Variants in PLPPR1 observed in about 807,000 individuals in gnomAD.
The protein encoded by PLPPR1 is phospholipid phosphatase related 1, also known as phospholipid phosphatase-related protein type 1.
PLPPR1 carries 10 observed loss-of-function variants against 33.1 expected under a neutral mutation model. That is an observed-to-expected ratio of 0.30 (90% CI 0.19 to 0.51). The LOEUF (loss-of-function observed/expected upper bound fraction) is 0.51, where lower values mean the gene tolerates loss of function less well. Among genes scored for constraint, PLPPR1 ranks in the 20% least tolerant of loss-of-function variants. The pLI is 0.97. For missense variants in PLPPR1, 304 were observed against 408.1 expected, an observed-to-expected ratio of 0.74 and a Z score of 2.20; for synonymous variants, 151 against 151.0, an observed-to-expected ratio of 1.00 and a Z score of 0.00.
chr9:101,165,206 A>C (rs1283532945), intron 1 of PLPPR1, among the ~76,000 whole-genome samples: 1 of 152,212 alleles, frequency 6.6e-6, no homozygotes, highest in East Asian at 1.9e-4. Flanking sequence ...TGAGTGCACA[A>C]AAAGCAAATC....
At chr9:101,088,445 G>A (rs970683996) in intron 1 of PLPPR1, among the ~76,000 whole-genome samples, 9 of 151,908 alleles carry the variant, frequency 5.9e-5, no homozygotes, top group African/African-American at 1.9e-4. Context: ...CTTATGAAAC[G>A]ACTGTCTCCT....
intron 1 of PLPPR1, among the ~76,000 whole-genome samples, chr9:101,087,793 T>G (rs1025978555): frequency 9.8e-5 from 15 of 152,332 alleles, no homozygotes; most frequent in African/African-American, 3.6e-4. Context: ...TCGTAATCTT[T>G]TCTAGAAGTG....
chr9:101,089,546 C>T (rs1204272617), intron 1 of PLPPR1, among the ~76,000 whole-genome samples: 3 of 151,996 alleles, frequency 2.0e-5, no homozygotes, highest in Non-Finnish European at 4.4e-5. Context: ...GGAATAATAT[C>T]GGACCAAATG....
chr9:101,086,426 CT>C (rs1830676781), intron 1 of PLPPR1, among the ~76,000 whole-genome samples: 1 of 152,056 alleles, frequency 6.6e-6, no homozygotes, highest in South Asian at 2.1e-4. Context: ...ATGATTGGAC[CT>C]TTTTGCCCAT....
At chr9:101,087,257 A>G (rs967075350) in intron 1 of PLPPR1, among the ~76,000 whole-genome samples, 1 of 152,154 alleles carries the variant, frequency 6.6e-6, no homozygotes, top group Non-Finnish European at 1.5e-5. Flanking sequence ...GATAATTCTT[A>G]TAAAATCTAA....
At chr9:101,038,146 G>A (rs921023741) in intron 1 of PLPPR1, among the ~76,000 whole-genome samples, 12 of 151,778 alleles carry the variant, frequency 7.9e-5, no homozygotes, top group Admixed American at 2.6e-4. Flanking sequence ...TATAAAGGTA[G>A]GATTAACTTT....
chr9:101,156,383 C>G (rs776172214), intron 1 of PLPPR1, among the ~76,000 whole-genome samples: 4 of 151,742 alleles, frequency 2.6e-5, no homozygotes, highest in African/African-American at 4.8e-5. Flanking sequence ...ACCCCCATCT[C>G]TACAGAAAAT....
At chr9:101,305,560 C>T (rs570055967) in intron 4 of PLPPR1, among the ~76,000 whole-genome samples, 1 of 152,276 alleles carries the variant, frequency 6.6e-6, no homozygotes, top group South Asian at 2.1e-4. Flanking sequence ...TTTGCTCACC[C>T]CACCAACCTC....
intron 1 of PLPPR1, among the ~76,000 whole-genome samples, chr9:101,066,394 T>C (rs1830414798): frequency 1.3e-5 from 2 of 152,052 alleles, no homozygotes; most frequent in South Asian, 4.2e-4. Context: ...CCTTCCATAC[T>C]TTGGAAGGAA....
intron 1 of PLPPR1, among the ~76,000 whole-genome samples, chr9:101,113,257 A>C (rs1831079486): frequency 6.6e-6 from 1 of 151,938 alleles, no homozygotes; most frequent in Non-Finnish European, 1.5e-5. Flanking sequence ...TCCAGTGTGA[A>C]AACTAAATAC....
chr9:101,139,788 G>A (rs905002721), intron 1 of PLPPR1, among the ~76,000 whole-genome samples: 2 of 152,282 alleles, frequency 1.3e-5, no homozygotes, highest in Middle Eastern at 3.4e-3. Context: ...GGAGCCAAAA[G>A]TACAGAGTTA....
rs534503737 is a variant in PLPPR1 at position 101,174,211 on chromosome 9, C to T, written c.-45-11239C>T. On this transcript the variant is annotated intron_variant, in intron 1 of 7. Transcript: ENST00000374874. ...CAAAAATCAATGTAGGCTCAAAGTGCAGAATTCTTGGGCTTACTTCGAAGG... is the reference window on the plus strand; with the variant it reads ...CAAAAATCAATGTAGGCTCAAAGTGTAGAATTCTTGGGCTTACTTCGAAGG... Among the ~76,000 whole-genome samples the T allele has an allele frequency of 4.6e-5, 7 of 152,216 alleles. 1 individual carries two copies. The highest frequency in any genetic ancestry group is 1.4e-4 in the African/African-American group (6 of 41,546).
intron 2 of PLPPR1, among the ~76,000 whole-genome samples, chr9:101,215,103 G>A (rs371723276): frequency 2.6e-5 from 4 of 151,258 alleles, no homozygotes; most frequent in Non-Finnish European, 5.9e-5. Context: ...GTTTGTAATA[G>A]TAAAGTTATT....
chr9:101,308,544 G>A (rs1214966254), intron 4 of PLPPR1, among the ~76,000 whole-genome samples: 3 of 152,164 alleles, frequency 2.0e-5, no homozygotes, highest in African/African-American at 4.8e-5. Context: ...GCAGCAATAG[G>A]AGGCTATTGG....
At chr9:101,305,583 C>T (rs1828844200) in intron 4 of PLPPR1, among the ~76,000 whole-genome samples, 1 of 152,176 alleles carries the variant, frequency 6.6e-6, no homozygotes, top group Non-Finnish European at 1.5e-5. Context: ...CTAATTGTTA[C>T]TCTGTTGCAT....
chr9:101,220,210 C>A (rs1826900827), intron 2 of PLPPR1, among the ~76,000 whole-genome samples: 2 of 152,190 alleles, frequency 1.3e-5, no homozygotes. Flanking sequence ...CACTGAGGGG[C>A]AAAATTGCTT....
chr9:101,155,678 C>A (rs1022860051), intron 1 of PLPPR1, among the ~76,000 whole-genome samples: 2 of 151,826 alleles, frequency 1.3e-5, no homozygotes, highest in Admixed American at 1.3e-4. Context: ...TGGCTCACTG[C>A]AACCTCCAGC....
At chr9:101,122,011 C>T (rs1831183410) in intron 1 of PLPPR1, among the ~76,000 whole-genome samples, 1 of 152,206 alleles carries the variant, frequency 6.6e-6, no homozygotes, top group Non-Finnish European at 1.5e-5. Flanking sequence ...TTTTCCAATA[C>T]TGTCTAGAAA....
chr9:101,096,097 A>G (rs1830814352), intron 1 of PLPPR1, among the ~76,000 whole-genome samples: 1 of 152,124 alleles, frequency 6.6e-6, no homozygotes, highest in Admixed American at 6.5e-5. Context: ...AGGGTATTTG[A>G]GTGTGGCAAA....
Sources: gnomAD v4.1 joint callset for allele counts (sites outside exome capture counted in the v4.1 genomes callset) on GRCh38, gnomAD v4.1.1 for gene constraint, MANE v1.5 for transcripts, NCBI Gene and HGNC (gene_info 2026-07-23, HGNC 2026-07-21) for gene names.